The following OR6N1 variants were observed in gnomAD, a reference collection of about 807,000 sequenced individuals.
The protein encoded by OR6N1 is olfactory receptor family 6 subfamily N member 1, also known as olfactory receptor 6N1.
For missense variants in OR6N1, 394 were observed against 371.7 expected (o/e 1.06, Z -0.49); for synonymous variants, 170 against 150.7 (o/e 1.13, Z -0.94).
At chr1:158,770,444 G>A (rs966744786) in intron 1 of OR6N1, among the ~76,000 whole-genome samples, 1 of 151,838 alleles carries the variant, frequency 6.6e-6, no homozygotes, top group African/African-American at 2.4e-5. Context: ...CTTTAAGATG[G>A]CAAAAAATAC....
At chr1:158,833,530 C>T in the OR6N1 span, among the ~76,000 whole-genome samples, 2 of 152,152 alleles carry the variant, frequency 1.3e-5, no homozygotes, top group South Asian at 2.1e-4. Flanking sequence ...ACCTTCTTTC[C>T]CCATAAATTT....
chr1:158,825,033 C>A, the OR6N1 span, among the ~76,000 whole-genome samples: 4 of 152,116 alleles, frequency 2.6e-5, no homozygotes, highest in African/African-American at 9.7e-5. Context: ...AACAGACAAC[C>A]TACAGAATGC....
chr1:158,832,929 TCTTA>T, the OR6N1 span, among the ~76,000 whole-genome samples: 1 of 152,144 alleles, frequency 6.6e-6, no homozygotes, highest in Admixed American at 6.5e-5. Flanking sequence ...GGTTTTGCCA[TCTTA>T]CTTTGTTTCA....
the OR6N1 span, among the ~76,000 whole-genome samples, chr1:158,797,663 T>C: frequency 3.3e-5 from 5 of 152,218 alleles, no homozygotes; most frequent in African/African-American, 1.2e-4. Context: ...TGTTCTTAAC[T>C]GGGATTATTG....
the OR6N1 span, among the ~76,000 whole-genome samples, chr1:158,835,461 A>G: frequency 6.6e-6 from 1 of 152,036 alleles, no homozygotes; most frequent in Non-Finnish European, 1.5e-5. Context: ...TGATTCCTGT[A>G]ACTTTGCTGG....
chr1:158,799,122 A>C, the OR6N1 span, among the ~76,000 whole-genome samples: 1 of 152,248 alleles, frequency 6.6e-6, no homozygotes, highest in African/African-American at 2.4e-5. Flanking sequence ...CCTTCTCATT[A>C]AAATAAAAAT....
At chr1:158,818,766 A>G in the OR6N1 span, among the ~76,000 whole-genome samples, 1 of 152,142 alleles carries the variant, frequency 6.6e-6, no homozygotes, top group African/African-American at 2.4e-5. Context: ...CCCTATCCTT[A>G]CCCAGTCTAG....
At chr1:158,801,382 C>T in the OR6N1 span, among the ~76,000 whole-genome samples, 1 of 151,960 alleles carries the variant, frequency 6.6e-6, no homozygotes, top group Non-Finnish European at 1.5e-5. Flanking sequence ...CTGTCAAAGT[C>T]AGAACTGCAG....
At chr1:158,838,812 G>A in the OR6N1 span, among the ~76,000 whole-genome samples, 1 of 152,056 alleles carries the variant, frequency 6.6e-6, no homozygotes, top group Admixed American at 6.6e-5. Context: ...AATTACACAT[G>A]ACCTGTCTAA....
the OR6N1 span, among the ~76,000 whole-genome samples, chr1:158,823,767 TG>T: frequency 2.0e-5 from 3 of 152,164 alleles, no homozygotes; most frequent in Non-Finnish European, 4.4e-5. Context: ...CAGTTTGGTT[TG>T]TTCTTGTTTC....
the OR6N1 span, among the ~76,000 whole-genome samples, chr1:158,825,392 T>C: frequency 1.3e-5 from 2 of 151,910 alleles, no homozygotes; most frequent in Non-Finnish European, 2.9e-5. Context: ...TGAGCCAAGA[T>C]TGTGCCACTG....
chr1:158,823,066 G>A, the OR6N1 span, among the ~76,000 whole-genome samples: 2 of 152,108 alleles, frequency 1.3e-5, no homozygotes, highest in African/African-American at 4.8e-5. Flanking sequence ...ATCACACTTG[G>A]TCATGGTGGA....
chr1:158,769,055 A>G (rs906359927), intron 1 of OR6N1, among the ~76,000 whole-genome samples: 4 of 152,218 alleles, frequency 2.6e-5, no homozygotes, highest in Non-Finnish European at 5.9e-5. Context: ...TATGTAATTA[A>G]TATGCAAATC....
chr1:158,778,937 T>A, the OR6N1 span, among the ~76,000 whole-genome samples: 4 of 138,380 alleles, frequency 2.9e-5, no homozygotes, highest in Non-Finnish European at 1.5e-5. Flanking sequence ...GAGAATGGAG[T>A]GAACCCGGGA....
chr1:158,790,141 G>T, the OR6N1 span, among the ~76,000 whole-genome samples: 16 of 152,100 alleles, frequency 1.1e-4, no homozygotes, highest in African/African-American at 3.9e-4. Context: ...ACAATGAGTT[G>T]GCTGTAAATG....
chr1:158,784,887 A>T, the OR6N1 span, among the ~76,000 whole-genome samples: 1 of 152,228 alleles, frequency 6.6e-6, no homozygotes, highest in South Asian at 2.1e-4. Flanking sequence ...TATTGGCTAT[A>T]TATCCATAAT....
chr1:158,808,989 C>G, the OR6N1 span: 1 of 152,958 alleles, frequency 6.5e-6, no homozygotes, highest in African/African-American at 2.4e-5. Flanking sequence ...AGTGCCATGA[C>G]ACCCAGCAGG....
the OR6N1 span, among the ~76,000 whole-genome samples, chr1:158,808,039 T>C: frequency 1.3e-5 from 2 of 150,496 alleles, no homozygotes; most frequent in African/African-American, 4.9e-5. Flanking sequence ...CAGCTGATTC[T>C]CACAATTACC....
the OR6N1 span, among the ~76,000 whole-genome samples, chr1:158,833,928 T>C: frequency 6.6e-6 from 1 of 152,178 alleles, no homozygotes; most frequent in Non-Finnish European, 1.5e-5. Flanking sequence ...AAGAATCATA[T>C]TTTTTTCATA....
Sources: allele counts gnomAD v4.1 joint callset (sites outside exome capture counted in the v4.1 genomes callset), GRCh38; gene constraint gnomAD v4.1.1; transcripts MANE v1.5; gene names NCBI Gene and HGNC (gene_info 2026-07-23, HGNC 2026-07-21).